VPS50: variants seen among roughly 807,000 people sequenced by gnomAD.
VPS50 encodes the protein syndetin.
VPS50 carries 70 observed loss-of-function variants against 139.7 expected under a neutral mutation model. That is an observed-to-expected ratio of 0.50 (90% CI 0.41 to 0.61). The LOEUF is 0.61. Ranked by LOEUF, VPS50 falls within the 20% of genes least tolerant of loss-of-function variation. VPS50 has a pLI of 0.00. For missense variants in VPS50, 921 were observed against 1,133.7 expected, an observed-to-expected ratio of 0.81 and a Z score of 2.69; for synonymous variants, 365 against 376.7, an observed-to-expected ratio of 0.97 and a Z score of 0.36.
intron 25 of VPS50, among the ~76,000 whole-genome samples, chr7:93,352,363 A>G (rs573246805): frequency 3.9e-5 from 6 of 152,354 alleles, no homozygotes; most frequent in African/African-American, 1.4e-4. Flanking sequence ...TGAATTGACA[A>G]TCCACTTCTT....
At chr7:93,300,637 A>G (rs927251619) in intron 16 of VPS50, among the ~76,000 whole-genome samples, 10 of 152,078 alleles carry the variant, frequency 6.6e-5, no homozygotes, top group African/African-American at 2.4e-4. Flanking sequence ...ATTTTGATAA[A>G]AATTCTACCC....
chr7:93,239,327 A>C (rs1794911456), intron 1 of VPS50, among the ~76,000 whole-genome samples: 1 of 152,206 alleles, frequency 6.6e-6, no homozygotes, highest in African/African-American at 2.4e-5. Flanking sequence ...AGGGCACCAA[A>C]GAACTAAAGG....
chr7:93,348,003 A>G (rs1346971225), intron 23 of VPS50, among the ~76,000 whole-genome samples: 1 of 152,138 alleles, frequency 6.6e-6, no homozygotes, highest in Non-Finnish European at 1.5e-5. Flanking sequence ...AGAAAAAAAA[A>G]AGAATGCTTC....
intron 16 of VPS50, among the ~76,000 whole-genome samples, chr7:93,299,063 C>A (rs1248425247): frequency 6.6e-6 from 1 of 152,098 alleles, no homozygotes; most frequent in East Asian, 1.9e-4. Flanking sequence ...GGTTAAACAG[C>A]AAAAATTTAA....
At chr7:93,295,338 C>T (rs375853719) in intron 14 of VPS50, 2 of 152,138 alleles carry the variant, frequency 1.3e-5, no homozygotes, top group Non-Finnish European at 2.9e-5. Context: ...GGGGTCCCTT[C>T]TATAGGGGAA....
chr7:93,358,469 TC>T lies in VPS50; in HGVS notation c.*35del. Reference sequence around the variant, plus strand: ...AGCTCTCTTTCCTCAATGGCATTGATCCTCACTCAACATATATGACCTGAAA... The same window carrying T: ...AGCTCTCTTTCCTCAATGGCATTGATCTCACTCAACATATATGACCTGAAA... On this transcript the variant is annotated 3_prime_UTR_variant, in exon 28 of 28. Transcript: ENST00000305866. 6.3e-7 allele frequency: 1 copy of T among 1,598,230 alleles called. No homozygotes were observed. Among genetic ancestry groups the T allele is most frequent in the East Asian group, 2.2e-5 (1 of 44,718 alleles).
chr7:93,296,074 A>G, intron 14 of VPS50, among the ~76,000 whole-genome samples: 1 of 152,164 alleles, frequency 6.6e-6, no homozygotes, highest in South Asian at 2.1e-4. Context: ...TTAGGAAAAT[A>G]TATTTTGAAA....
At chr7:93,294,690 A>G (rs913468650) in intron 14 of VPS50, 54 bp downstream of exon 14, 22 of 1,356,152 alleles carry the variant, frequency 1.6e-5, no homozygotes, top group African/African-American at 4.4e-5. Flanking sequence ...ATGTCATGTC[A>G]TAGTTTTAGA....
At chr7:93,346,129 A>T (rs1421153864) in intron 23 of VPS50, among the ~76,000 whole-genome samples, 2 of 152,174 alleles carry the variant, frequency 1.3e-5, no homozygotes, top group South Asian at 4.1e-4. Context: ...CTTCAGCAAA[A>T]TCTCAGGATA....
intron 1 of VPS50, among the ~76,000 whole-genome samples, chr7:93,237,375 G>C (rs1418002947): frequency 6.6e-6 from 1 of 152,150 alleles, no homozygotes. Context: ...GTCTGCTCCA[G>C]AGCCCATTGC....
chr7:93,232,772 T>G (rs1293481309), intron 1 of VPS50, among the ~76,000 whole-genome samples: 2 of 152,190 alleles, frequency 1.3e-5, no homozygotes, highest in Non-Finnish European at 2.9e-5. Context: ...CCTCCTCTTT[T>G]TGCCGTCTTT....
At chr7:93,232,758 C>G (rs910681687) in intron 1 of VPS50, among the ~76,000 whole-genome samples, 1 of 152,214 alleles carries the variant, frequency 6.6e-6, no homozygotes. Flanking sequence ...TCTTTGTCTC[C>G]CCTCCTCCTC....
intron 12 of VPS50, among the ~76,000 whole-genome samples, chr7:93,278,019 C>A (rs551847614): frequency 6.6e-6 from 1 of 151,908 alleles, no homozygotes; most frequent in Non-Finnish European, 1.5e-5. Flanking sequence ...AAAAATTAAA[C>A]CAAACATTTT....
chr7:93,332,869 A>C (rs1235670745), intron 21 of VPS50, among the ~76,000 whole-genome samples: 1 of 152,230 alleles, frequency 6.6e-6, no homozygotes, highest in Non-Finnish European at 1.5e-5. Flanking sequence ...ATCAAACACA[A>C]AAGATTATAT....
chr7:93,325,397 C>G (rs539656500), intron 21 of VPS50, among the ~76,000 whole-genome samples: 1 of 152,098 alleles, frequency 6.6e-6, no homozygotes, highest in African/African-American at 2.4e-5. Context: ...TGGGCAAGGA[C>G]TTCATGTCTA....
At chr7:93,337,722 G>A (rs982974343) in intron 22 of VPS50, among the ~76,000 whole-genome samples, 3 of 151,864 alleles carry the variant, frequency 2.0e-5, no homozygotes, top group Admixed American at 2.0e-4. Flanking sequence ...TTATACTATT[G>A]GAGTATAATC....
At chr7:93,286,050 A>G (rs930136827) in intron 12 of VPS50, among the ~76,000 whole-genome samples, 4 of 152,132 alleles carry the variant, frequency 2.6e-5, no homozygotes, top group African/African-American at 9.7e-5. Context: ...CAAAGATTAT[A>G]TGCCTATTTT....
chr7:93,328,063 C>T (rs1797832341), intron 21 of VPS50, among the ~76,000 whole-genome samples: 1 of 152,198 alleles, frequency 6.6e-6, no homozygotes. Context: ...GAAACTCCTG[C>T]TATTCACTGA....
intron 27 of VPS50, among the ~76,000 whole-genome samples, chr7:93,356,815 G>A (rs1463396111): frequency 6.6e-6 from 1 of 152,058 alleles, no homozygotes; most frequent in Non-Finnish European, 1.5e-5. Context: ...AATGTCATGG[G>A]TAAAAGCTAA....
Sources: gnomAD v4.1 joint callset for allele counts (sites outside exome capture counted in the v4.1 genomes callset) on GRCh38, gnomAD v4.1.1 for gene constraint, MANE v1.5 for transcripts, NCBI Gene and HGNC (gene_info 2026-07-23, HGNC 2026-07-21) for gene names.